The following KCNQ5 variants were observed in gnomAD, a reference collection of about 807,000 sequenced individuals.
The protein encoded by KCNQ5 is potassium voltage-gated channel subfamily Q member 5.
KCNQ5 carries 30 observed loss-of-function variants against 98.2 expected under a neutral mutation model. The observed-to-expected ratio is 0.31, with a 90% CI of 0.23 to 0.41. KCNQ5 has a LOEUF of 0.41. Ranked by LOEUF, KCNQ5 falls within the 10% of genes least tolerant of loss-of-function variation. The pLI, the probability that KCNQ5 is intolerant of heterozygous loss-of-function variation, is 1.00. For missense variants in KCNQ5, 835 were observed against 1,182.5 expected, an observed-to-expected ratio of 0.71 and a Z score of 4.31; for synonymous variants, 458 against 449.4, an observed-to-expected ratio of 1.02 and a Z score of -0.24.
At chr6:72,712,593 C>T (rs553002850) in intron 1 of KCNQ5, among the ~76,000 whole-genome samples, 66 of 152,220 alleles carry the variant, frequency 4.3e-4, no homozygotes, top group African/African-American at 1.4e-3. Context: ...GGTGGATATA[C>T]GATAACATCA....
intron 1 of KCNQ5, among the ~76,000 whole-genome samples, chr6:72,966,468 T>C (rs1183152980): frequency 1.3e-5 from 2 of 151,398 alleles, no homozygotes; most frequent in Non-Finnish European, 2.9e-5. Context: ...CTCAGGAGGC[T>C]GAGGAAGGAG....
intron 10 of KCNQ5, among the ~76,000 whole-genome samples, chr6:73,139,249 G>C (rs1245290419): frequency 6.6e-6 from 1 of 152,186 alleles, no homozygotes; most frequent in Non-Finnish European, 1.5e-5. Context: ...GAATCCTCAT[G>C]CCTAAAACAA....
intron 2 of KCNQ5, among the ~76,000 whole-genome samples, chr6:73,032,709 T>C (rs1174778868): frequency 6.6e-6 from 1 of 152,158 alleles, no homozygotes; most frequent in African/African-American, 2.4e-5. Context: ...CAGCAAGCCA[T>C]TTTCAATGTT....
At chr6:73,010,015 C>T (rs1769990849) in intron 2 of KCNQ5, among the ~76,000 whole-genome samples, 1 of 152,104 alleles carries the variant, frequency 6.6e-6, no homozygotes. Flanking sequence ...CACTTCCTAA[C>T]TAATTCTATG....
chr6:72,758,869 C>T (rs184718596), intron 1 of KCNQ5, among the ~76,000 whole-genome samples: 1 of 152,154 alleles, frequency 6.6e-6, no homozygotes, highest in East Asian at 1.9e-4. Context: ...GTCCAGAGGT[C>T]TTACTAACTT....
At chr6:72,767,313 C>G (rs1772625304) in intron 1 of KCNQ5, among the ~76,000 whole-genome samples, 1 of 151,892 alleles carries the variant, frequency 6.6e-6, no homozygotes, top group African/African-American at 2.4e-5. Context: ...GGACCCTTAC[C>G]TCACATTATA....
intron 2 of KCNQ5, among the ~76,000 whole-genome samples, chr6:73,024,157 T>C (rs1360639510): frequency 6.6e-6 from 1 of 152,136 alleles, no homozygotes; most frequent in Non-Finnish European, 1.5e-5. Flanking sequence ...CTGTAAGCAG[T>C]CAGTCCTTAC....
Position 72,720,496 on chromosome 6 carries a change from T to C in KCNQ5, c.398+97909T>C, listed in dbSNP as rs1288185034. The stretch of plus-strand genomic sequence containing the variant: ...GAAAAAGTGATTGCAAAGGCTGTTT[T>C]CTTTTCCCTTGTTCCCACAGATTCT... On this transcript the variant is annotated intron_variant, in intron 1 of 13. Coordinates refer to ENST00000370398, the MANE Select transcript of KCNQ5 (RefSeq NM_019842.4). 2.0e-5 allele frequency among the ~76,000 whole-genome samples: 3 copies of C among 152,158 alleles called. No individual in the cohort carries two copies. In the East Asian group the frequency reaches 5.8e-4, roughly 29 times the overall value.
intron 10 of KCNQ5, among the ~76,000 whole-genome samples, chr6:73,164,755 CATTATCAT>C (rs1777731100): frequency 6.6e-6 from 1 of 152,154 alleles, no homozygotes; most frequent in Non-Finnish European, 1.5e-5. Context: ...TTTGGACCTG[CATTATCAT>C]ATTATGGCTG....
intron 10 of KCNQ5, among the ~76,000 whole-genome samples, chr6:73,137,410 A>G (rs1776516318): frequency 6.6e-6 from 1 of 152,242 alleles, no homozygotes; most frequent in South Asian, 2.1e-4. Flanking sequence ...TGGTGTTATC[A>G]TACCAAATTT....
chr6:72,771,299 C>A (rs764368329), intron 1 of KCNQ5, among the ~76,000 whole-genome samples: 4 of 152,026 alleles, frequency 2.6e-5, no homozygotes, highest in Non-Finnish European at 5.9e-5. Flanking sequence ...ATGAAAATAA[C>A]AATAAATATA....
intron 1 of KCNQ5, among the ~76,000 whole-genome samples, chr6:72,781,963 C>A (rs116856793): frequency 0.011 from 1,605 of 152,310 alleles, 17 homozygotes; most frequent in Middle Eastern, 0.024. Context: ...AATTTTAGAG[C>A]TAGCCAAATA....
intron 1 of KCNQ5, among the ~76,000 whole-genome samples, chr6:72,753,695 CT>C (rs1934724722): frequency 6.6e-6 from 1 of 152,034 alleles, no homozygotes; most frequent in African/African-American, 2.4e-5. Flanking sequence ...TGGTGAACAT[CT>C]TTTCACATGA....
At chr6:72,847,318 C>CA (rs1777061902) in intron 1 of KCNQ5, among the ~76,000 whole-genome samples, 1 of 152,122 alleles carries the variant, frequency 6.6e-6, no homozygotes, top group South Asian at 2.1e-4. Flanking sequence ...CATGTGCCAC[C>CA]ACGCCCAGCT....
At chr6:72,751,722 A>G (rs976735065) in intron 1 of KCNQ5, among the ~76,000 whole-genome samples, 2 of 152,128 alleles carry the variant, frequency 1.3e-5, no homozygotes, top group Admixed American at 6.6e-5. Flanking sequence ...CTTATTTAGT[A>G]CAAAAAGCAA....
At chr6:72,678,025 A>G (rs1227361229) in intron 1 of KCNQ5, among the ~76,000 whole-genome samples, 1 of 152,196 alleles carries the variant, frequency 6.6e-6, no homozygotes, top group Non-Finnish European at 1.5e-5. Context: ...AAATTTTATT[A>G]AATTGTGGTT....
intron 9 of KCNQ5, among the ~76,000 whole-genome samples, chr6:73,132,129 G>A (rs1776263381): frequency 6.6e-6 from 1 of 152,204 alleles, no homozygotes; most frequent in Non-Finnish European, 1.5e-5. Flanking sequence ...CACATTTGCT[G>A]TTGGCATGCT....
intron 1 of KCNQ5, among the ~76,000 whole-genome samples, chr6:72,886,798 T>C (rs1778861799): frequency 6.6e-6 from 1 of 152,140 alleles, no homozygotes; most frequent in Non-Finnish European, 1.5e-5. Flanking sequence ...ACAGGTGTAA[T>C]TGTATGTCTT....
chr6:72,927,631 A>T (rs2150225175), intron 1 of KCNQ5, among the ~76,000 whole-genome samples: 1 of 152,204 alleles, frequency 6.6e-6, no homozygotes, highest in Non-Finnish European at 1.5e-5. Context: ...TTGGAAAATA[A>T]ACTATTTAAA....
Sources: allele counts gnomAD v4.1 joint callset (sites outside exome capture counted in the v4.1 genomes callset), GRCh38; gene constraint gnomAD v4.1.1; transcripts MANE v1.5; gene names NCBI Gene and HGNC (gene_info 2026-07-23, HGNC 2026-07-21).